Variants in SIPA1L1 observed in about 807,000 individuals in gnomAD.
The protein encoded by SIPA1L1 is signal-induced proliferation-associated 1-like protein 1.
Under a neutral mutation model 162.7 loss-of-function variants are expected in SIPA1L1, and 26 were observed. That is an observed-to-expected ratio of 0.16 (90% CI 0.12 to 0.22). SIPA1L1 has a LOEUF of 0.22. Ranked by LOEUF, SIPA1L1 falls within the 10% of genes least tolerant of loss-of-function variation. SIPA1L1 has a pLI of 1.00. For synonymous variants in SIPA1L1, 829 were observed against 837.4 expected (o/e 0.99, Z 0.17); for missense variants, 1,874 against 2,241.0 (o/e 0.84, Z 3.31).
intron 5 of SIPA1L1, among the ~76,000 whole-genome samples, chr14:71,607,270 A>T (rs892336866): frequency 1.3e-4 from 19 of 151,286 alleles, no homozygotes; most frequent in East Asian, 3.9e-4. Context: ...TGCCCTCGGC[A>T]TAATAGATGA....
chr14:71,735,335 A>G lies in SIPA1L1; in HGVS notation c.5067A>G (p.Ala1689=). The G allele has an allele frequency of 1.2e-6, 2 of 1,614,188 alleles. No individual in the cohort carries two copies. Among genetic ancestry groups the G allele is most frequent in the Non-Finnish European group, 8.5e-7 (1 of 1,180,020 alleles). Residue 1689 remains alanine, a synonymous_variant, in exon 22 of 24, where the codon GCA becomes GCG. Coordinates refer to ENST00000381232, the MANE Select transcript of SIPA1L1 (RefSeq NM_001386936.1). ...AAAACCATCGCCCCTTGAGTGCTGC[A>G]TCCAACAGTGATCAGCTGGAGGACC... The part of the protein sequence containing the change: ...SDENHRPLSA[A]SNSDQLEDQA...
At chr14:71,533,577 C>T (rs1332604965) in intron 4 of SIPA1L1, among the ~76,000 whole-genome samples, 2 of 152,168 alleles carry the variant, frequency 1.3e-5, no homozygotes, top group African/African-American at 4.8e-5. Flanking sequence ...TAGAAGAAAG[C>T]CACAGATCAC....
At chr14:71,500,948 G>A (rs1033790166) in intron 2 of SIPA1L1, among the ~76,000 whole-genome samples, 5 of 152,216 alleles carry the variant, frequency 3.3e-5, no homozygotes, top group Admixed American at 6.5e-5. Context: ...AGAGGTTGCG[G>A]TGACCCGAGA....
At chr14:71,593,020 T>C (rs2035594155) in intron 5 of SIPA1L1, among the ~76,000 whole-genome samples, 2 of 152,130 alleles carry the variant, frequency 1.3e-5, no homozygotes, top group Admixed American at 1.3e-4. Flanking sequence ...CTTTGTACTT[T>C]ATTGAGTTCC....
At chr14:71,491,379 C>T (rs1012894727) in intron 2 of SIPA1L1, among the ~76,000 whole-genome samples, 1 of 152,126 alleles carries the variant, frequency 6.6e-6, no homozygotes, top group African/African-American at 2.4e-5. Context: ...GTTCTGGGGA[C>T]AGTATATCTC....
chr14:71,700,394 T>C (rs2081993820), intron 14 of SIPA1L1, among the ~76,000 whole-genome samples: 1 of 152,168 alleles, frequency 6.6e-6, no homozygotes, highest in South Asian at 2.1e-4. Context: ...ATGATTAGAA[T>C]CCATTTCTAA....
chr14:71,589,362 A>G lies in SIPA1L1; in HGVS notation c.1490A>G (p.Tyr497Cys), dbSNP rs776429861. The G allele has an allele frequency of 7.5e-6, 12 of 1,602,068 alleles. No individual in the cohort carries two copies. The highest frequency in any genetic ancestry group is 1.7e-5 in the Admixed American group (1 of 59,780). Reference sequence around the variant, plus strand: ...GCATACTATTATAGAAAATTTTTCTACCAGAAGGGTAAGTAGAGATCCTTT... The same window carrying G: ...GCATACTATTATAGAAAATTTTTCTGCCAGAAGGGTAAGTAGAGATCCTTT... ...LGAYYYRKFFYQKEHWNYFGA... is the reference protein window; with the variant it reads ...LGAYYYRKFFCQKEHWNYFGA... The change falls in exon 5 of 24, where the codon TAC (tyrosine) becomes TGC (cysteine). Residue 497 changes from tyrosine (Y) to cysteine (C), a missense_variant. Physicochemically the swap from Tyr to Cys is radical, Grantham distance 194. Transcript: ENST00000381232.
chr14:71,610,711 AT>A (rs1004835735), intron 5 of SIPA1L1, among the ~76,000 whole-genome samples: 2 of 152,004 alleles, frequency 1.3e-5, no homozygotes, highest in East Asian at 1.9e-4. Flanking sequence ...TTTTCTTTGT[AT>A]TTTTTTCTTT....
At chr14:71,534,587 T>A (rs941430066) in intron 4 of SIPA1L1, among the ~76,000 whole-genome samples, 23 of 152,288 alleles carry the variant, frequency 1.5e-4, no homozygotes, top group African/African-American at 5.1e-4. Flanking sequence ...TTAAAAAAAA[T>A]TTCCTTCACA....
chr14:71,702,423 G>C lies in SIPA1L1; in HGVS notation c.3564G>C (p.Gln1188His), dbSNP rs1385913126. 1 of 1,614,156 alleles carries C rather than the reference G, an allele frequency of 6.2e-7. No homozygotes were observed. Among genetic ancestry groups the C allele is most frequent in the Admixed American group, 1.7e-5 (1 of 60,030 alleles). The change falls in exon 15 of 24, where the codon CAG becomes CAC. Residue 1188 changes from glutamine to histidine, a missense_variant. Gln to His is a conservative substitution (Grantham distance 24). Around this residue, in one of 5 missense-constraint regions of SIPA1L1, gnomAD observed 936 missense variants for 1,051.9 expected, o/e 0.89. Transcript: ENST00000381232. The stretch of plus-strand genomic sequence containing the variant: ...GATCCCCAGCCTCCATTGACAGGCA[G>C]AACACCCAGTCAGATATTGGTGGCA... ...SRRSPASIDR[Q>H]NTQSDIGGSG...
intron 2 of SIPA1L1, among the ~76,000 whole-genome samples, chr14:71,411,178 A>G (rs1020088081): frequency 2.6e-5 from 4 of 151,516 alleles, no homozygotes; most frequent in Non-Finnish European, 5.9e-5. Context: ...ATTGCTTTTG[A>G]CAGGAAATTG....
In SIPA1L1 at chr14:71,698,999, C is replaced by A. The variant is rs764173001; in HGVS notation, c.3393C>A (p.Asp1131Glu). The change falls in exon 14 of 24, where the codon GAC becomes GAA. Residue 1131 changes from aspartate (D) to glutamate (E), a missense_variant. Asp to Glu is a conservative substitution (Grantham distance 45). This residue lies in a region of SIPA1L1 where 936 missense variants were observed against 1,051.9 expected (regional missense o/e 0.89). Transcript: ENST00000381232. ...PLERRLSPGSDIYVTVSSMAL... is the reference protein window; with the variant it reads ...PLERRLSPGSEIYVTVSSMAL... The stretch of plus-strand genomic sequence containing the variant: ...CATGCAGGCTGTCTCCTGGTTCGGA[C>A]ATCTATGTGACGGTCTCATCCATGG... 3 of 1,614,166 alleles carry A rather than the reference C, an allele frequency of 1.9e-6. No individual in the cohort carries two copies. The highest frequency in any genetic ancestry group is 2.5e-6 in the Non-Finnish European group (3 of 1,180,014).
rs1466007850 is a variant in SIPA1L1 at position 71,650,318 on chromosome 14, A to G, written c.1819-17A>G. The G allele has an allele frequency of 2.5e-6, 4 of 1,613,860 alleles. No individual in the cohort carries two copies. The South Asian group carries it at 4.4e-5, about 18-fold the overall frequency. On this transcript the variant is annotated splice_polypyrimidine_tract_variant and intron_variant, in intron 7 of 23. Coordinates refer to ENST00000381232, the MANE Select transcript of SIPA1L1 (RefSeq NM_001386936.1). ...ATCTGCCTATATTTATATGCATCGT[A>G]TTACCTGCCTTCACAGCTGAACTAC...
chr14:71,428,721 G>A (rs1277816178), intron 2 of SIPA1L1, among the ~76,000 whole-genome samples: 1 of 152,208 alleles, frequency 6.6e-6, no homozygotes, highest in Non-Finnish European at 1.5e-5. Flanking sequence ...GCACTTTTGT[G>A]ATCAGAAGCA....
At chr14:71,451,632 C>CAAAAAAAAAAAAAAAAAAAAAAAA in intron 2 of SIPA1L1, among the ~76,000 whole-genome samples, 1 of 54,394 alleles carries the variant, frequency 1.8e-5, no homozygotes, top group Non-Finnish European at 3.8e-5. Flanking sequence ...GACCTTGTCT[C>CAAAAAAAAAAAAAAAAAAAAAAAA]AAAAAAAAAA....
intron 2 of SIPA1L1, among the ~76,000 whole-genome samples, chr14:71,387,094 C>T (rs1485834307): frequency 1.3e-5 from 2 of 151,686 alleles, no homozygotes; most frequent in Admixed American, 6.6e-5. Context: ...ATTAAAATTA[C>T]AAAATTAGCT....
chr14:71,411,894 T>C (rs1031744896), intron 2 of SIPA1L1, among the ~76,000 whole-genome samples: 1 of 152,250 alleles, frequency 6.6e-6, no homozygotes, highest in Non-Finnish European at 1.5e-5. Context: ...CTTGTTCAGT[T>C]AGAATGGAGT....
In SIPA1L1 at chr14:71,646,366, C is replaced by T. The variant is rs376990979; in HGVS notation, c.1819-3969C>T. Among the ~76,000 whole-genome samples the T allele has an allele frequency of 6.2e-4, 94 of 152,192 alleles. 1 individual carries two copies. In the East Asian group the frequency reaches 6.6e-3, roughly 11 times the overall value. ...TAATTTTTTGTATTTTTAGTAGAGA[C>T]GGGGTTTCACCGTGTTAGTCAGGAT... On this transcript the variant is annotated intron_variant, in intron 7 of 23. Transcript: ENST00000381232.
chr14:71,525,709 A>T (rs576058725), intron 3 of SIPA1L1, among the ~76,000 whole-genome samples: 2 of 152,310 alleles, frequency 1.3e-5, no homozygotes, highest in East Asian at 1.9e-4. Context: ...TTGTACCAGA[A>T]ATAAATCCCT....
Sources: gnomAD v4.1 joint callset for allele counts (sites outside exome capture counted in the v4.1 genomes callset) on GRCh38, gnomAD v4.1.1 for gene constraint, gnomAD v4.1.1 regional missense constraint, MANE v1.5 for transcripts, NCBI Gene and HGNC (gene_info 2026-07-23, HGNC 2026-07-21) for gene names.